Variants in PALLD observed in about 807,000 individuals in gnomAD.
The protein encoded by PALLD is palladin, cytoskeletal associated protein.
A neutral mutation model predicts 123.5 loss-of-function variants in PALLD; 61 were observed. The observed-to-expected ratio is 0.49, with a 90% CI of 0.40 to 0.61. The LOEUF is 0.61. Among genes scored for constraint, PALLD ranks in the 20% least tolerant of loss-of-function variants. PALLD has a pLI of 0.00. For missense variants in PALLD, 1,273 were observed against 1,377.0 expected (o/e 0.92, Z 1.20); for synonymous variants, 465 against 496.4 (o/e 0.94, Z 0.84).
At chr4:168,581,735 T>C (rs1048702843) in intron 2 of PALLD, among the ~76,000 whole-genome samples, 8 of 152,132 alleles carry the variant, frequency 5.3e-5, no homozygotes, top group Non-Finnish European at 8.8e-5. Flanking sequence ...TGTTGACTAT[T>C]TCCTTTGCTT....
chr4:168,921,322 G>T (rs181568026), intron 17 of PALLD, among the ~76,000 whole-genome samples: 1 of 144,204 alleles, frequency 6.9e-6, no homozygotes, highest in Admixed American at 7.5e-5. Flanking sequence ...CAGGAGAATC[G>T]CTTGAACCCG....
intron 10 of PALLD, among the ~76,000 whole-genome samples, chr4:168,741,502 A>G (rs1788334123): frequency 6.6e-6 from 1 of 151,960 alleles, no homozygotes. Flanking sequence ...GCATAGCAAG[A>G]CGTCAAGACC....
At chr4:168,712,100 G>A (rs1476787038) in intron 10 of PALLD, 177 bp downstream of exon 10, 2 of 637,738 alleles carry the variant, frequency 3.1e-6, no homozygotes, top group Non-Finnish European at 5.6e-6. Context: ...ATAAAGAAGG[G>A]AAATGAAAAG....
At chr4:168,692,423 C>T (rs1782716396) in intron 8 of PALLD, among the ~76,000 whole-genome samples, 1 of 152,170 alleles carries the variant, frequency 6.6e-6, no homozygotes, top group African/African-American at 2.4e-5. Context: ...TAGTCACTTT[C>T]CAGACTGTGG....
intron 10 of PALLD, among the ~76,000 whole-genome samples, chr4:168,841,012 G>A (rs1745960506): frequency 6.6e-6 from 1 of 151,986 alleles, no homozygotes; most frequent in Non-Finnish European, 1.5e-5. Context: ...CACCACGCCT[G>A]GCTACTTTTT....
In PALLD at chr4:168,711,713, A is replaced by G. The variant is rs994477987; in HGVS notation, c.1754A>G (p.Gln585Arg). The G allele has an allele frequency of 6.2e-6, 10 of 1,614,084 alleles. No homozygotes were observed. The African/African-American group carries it at 1.3e-4, about 22-fold the overall frequency. The stretch of plus-strand genomic sequence containing the variant: ...GCTTCAAAGAAACCATCTGAGATCC[A>G]GCAGGTGAACAACCCTGAGTTAGGC... ...ELASKKPSEIQQVNNPELGLS... is the reference protein window; with the variant it reads ...ELASKKPSEIRQVNNPELGLS... The change falls in exon 10 of 22, where the codon CAG (glutamine) becomes CGG (arginine). Residue 585 changes from glutamine (Q) to arginine (R), a missense_variant. Around this residue, in one of 2 missense-constraint regions of PALLD, gnomAD observed 944 missense variants for 954.5 expected, o/e 0.99. Transcript: ENST00000505667.
intron 11 of PALLD, 58 bp from the exon 12 acceptor site, chr4:168,894,521 C>CA: frequency 1.0e-6 from 1 of 1,001,294 alleles, no homozygotes; most frequent in Non-Finnish European, 1.6e-6. Context: ...TTTCATAGGG[C>CA]AGTACATATT....
chr4:168,547,566 C>A (rs929160857), intron 2 of PALLD, among the ~76,000 whole-genome samples: 795 of 70,710 alleles, frequency 0.011, no homozygotes, highest in Middle Eastern at 0.017. Flanking sequence ...TAATAAAATA[C>A]AAAAAAAAAA....
At chr4:168,863,499 G>A (rs1305607157) in intron 10 of PALLD, among the ~76,000 whole-genome samples, 5 of 152,206 alleles carry the variant, frequency 3.3e-5, no homozygotes, top group African/African-American at 1.2e-4. Context: ...GACAGGCAAA[G>A]AGGGCCCCTG....
In PALLD at chr4:168,671,175, CCT is replaced by C. The variant is rs1418132861; in HGVS notation, c.1087+2810_1087+2811del. Among the ~76,000 whole-genome samples, 5 of 152,086 alleles carry C rather than the reference CCT, an allele frequency of 3.3e-5. No individual in the cohort carries two copies. In the South Asian group the frequency reaches 6.2e-4, roughly 19 times the overall value. ...TACTATAAAATGAGATATTTCACTG[CCT>C]CTTGAAACCAGCTGCAGAATCCAAC... On this transcript the variant is annotated intron_variant, in intron 3 of 21. Coordinates refer to ENST00000505667, the MANE Select transcript of PALLD (RefSeq NM_001166108.2).
At chr4:168,806,582 T>G (rs1360975778) in intron 10 of PALLD, among the ~76,000 whole-genome samples, 2 of 152,198 alleles carry the variant, frequency 1.3e-5, no homozygotes, top group East Asian at 3.9e-4. Context: ...TCTCAGATAG[T>G]TCTTTATAGC....
At chr4:168,780,187 C>T (rs1735720443) in intron 10 of PALLD, among the ~76,000 whole-genome samples, 1 of 152,230 alleles carries the variant, frequency 6.6e-6, no homozygotes, top group Non-Finnish European at 1.5e-5. Flanking sequence ...GCGTGGGCCA[C>T]CGCACCTGGT....
intron 2 of PALLD, among the ~76,000 whole-genome samples, chr4:168,579,975 A>G (rs1472765216): frequency 6.6e-6 from 1 of 151,858 alleles, no homozygotes; most frequent in African/African-American, 2.4e-5. Flanking sequence ...TGTCCATTAA[A>G]CCTCCAAAAT....
In PALLD at chr4:168,905,461, C is replaced by CTAAA. The variant is rs200057120; in HGVS notation, c.2622+1572_2622+1575dup. On this transcript the variant is annotated intron_variant, in intron 15 of 21. Coordinates refer to ENST00000505667, the MANE Select transcript of PALLD (RefSeq NM_001166108.2). ...CTGCACCCGGCCTGAGACTCTGTTT[C>CTAAA]TAAATAAATAAATAAATAAAGTTTA... Among the ~76,000 whole-genome samples, 355 of 151,700 alleles carry CTAAA rather than the reference C, an allele frequency of 2.3e-3. 4 individuals carry two copies. The highest frequency in any genetic ancestry group is 0.016 in the Admixed American group (246 of 15,224).
chr4:168,703,869 C>G (rs1783952326), intron 8 of PALLD, among the ~76,000 whole-genome samples: 2 of 148,264 alleles, frequency 1.3e-5, no homozygotes, highest in East Asian at 2.1e-4. Context: ...TGCCTGTTCA[C>G]TCTGATGGTA....
chr4:168,550,966 T>C (rs931211973), intron 2 of PALLD, among the ~76,000 whole-genome samples: 1 of 152,234 alleles, frequency 6.6e-6, no homozygotes, highest in Admixed American at 6.5e-5. Context: ...CTTACGTAGC[T>C]TCTACAAAGT....
At chr4:168,619,438 C>G (rs937025689) in intron 2 of PALLD, among the ~76,000 whole-genome samples, 1 of 152,186 alleles carries the variant, frequency 6.6e-6, no homozygotes, top group African/African-American at 2.4e-5. Context: ...AGCCACTTAG[C>G]TGTTTTAAAC....
At chr4:168,887,845 G>T (rs1446279439) in intron 10 of PALLD, among the ~76,000 whole-genome samples, 3 of 152,012 alleles carry the variant, frequency 2.0e-5, no homozygotes, top group Non-Finnish European at 4.4e-5. Context: ...AGAGAAATCA[G>T]AAGTAGAGAT....
At chr4:168,786,473 A>T (rs1030871075) in intron 10 of PALLD, among the ~76,000 whole-genome samples, 4 of 152,248 alleles carry the variant, frequency 2.6e-5, no homozygotes, top group African/African-American at 9.6e-5. Flanking sequence ...CAGGAGTTTG[A>T]GACCAGCCTG....
Sources: gnomAD v4.1 joint callset for allele counts (sites outside exome capture counted in the v4.1 genomes callset) on GRCh38, gnomAD v4.1.1 for gene constraint, gnomAD v4.1.1 regional missense constraint, MANE v1.5 for transcripts, NCBI Gene and HGNC (gene_info 2026-07-23, HGNC 2026-07-21) for gene names.